The following PTPRN2 variants were observed in gnomAD, a reference collection of about 807,000 sequenced individuals.
PTPRN2 encodes the protein protein tyrosine phosphatase receptor type N2, also known as receptor-type tyrosine-protein phosphatase N2.
Under a neutral mutation model 118.8 loss-of-function variants are expected in PTPRN2, and 74 were observed. The observed-to-expected ratio is 0.62, with a 90% CI of 0.52 to 0.76. PTPRN2 has a LOEUF of 0.76. Among genes scored for constraint, PTPRN2 ranks in the 30% least tolerant of loss-of-function variants. The probability of loss-of-function intolerance (pLI) is 0.00; values close to 1 mark genes in which losing one functional copy is unlikely to be tolerated. For synonymous variants in PTPRN2, 641 were observed against 608.0 expected, an observed-to-expected ratio of 1.05 and a Z score of -0.80; for missense variants, 1,481 against 1,394.4, an observed-to-expected ratio of 1.06 and a Z score of -0.99.
chr7:157,838,973 T>C (rs1014745209), intron 12 of PTPRN2, among the ~76,000 whole-genome samples: 40 of 144,234 alleles, frequency 2.8e-4, no homozygotes, highest in Non-Finnish European at 5.2e-4. Context: ...TCGTAGTGGA[T>C]GGCATGGGAG....
intron 12 of PTPRN2, among the ~76,000 whole-genome samples, chr7:157,719,728 C>T (rs76186270): frequency 0.24 from 35,809 of 152,178 alleles, 5,053 homozygotes; most frequent in Non-Finnish European, 0.33. Flanking sequence ...AAAGAGCTCC[C>T]CAGACCCCTC....
intron 1 of PTPRN2, among the ~76,000 whole-genome samples, chr7:158,500,456 C>T (rs1822279566): frequency 6.6e-6 from 1 of 152,216 alleles, no homozygotes; most frequent in Non-Finnish European, 1.5e-5. Flanking sequence ...AAAAGTCCCC[C>T]AGGGAATTAG....
At chr7:158,197,098 G>A (rs915971534) in intron 4 of PTPRN2, among the ~76,000 whole-genome samples, 8 of 152,152 alleles carry the variant, frequency 5.3e-5, no homozygotes, top group African/African-American at 1.9e-4. Context: ...GAACAAAATC[G>A]TATTCAGAAA....
rs552705042 is a variant in PTPRN2 at position 157,867,960 on chromosome 7, C to T, written c.1788+30713G>A. On this transcript the variant is annotated intron_variant, in intron 12 of 22. Transcript: ENST00000389418. ...AGCAGGACTGGGGGCACCGTGCCTG[C>T]GCCAGCCCAAGCTGCCCAGACTTCC... Among the ~76,000 whole-genome samples, 25 of 152,292 alleles carry T rather than the reference C, an allele frequency of 1.6e-4. 1 individual carries two copies. In the East Asian group the frequency reaches 2.9e-3, roughly 18 times the overall value.
chr7:157,840,612 C>T (rs1808353450), intron 12 of PTPRN2, among the ~76,000 whole-genome samples: 1 of 152,180 alleles, frequency 6.6e-6, no homozygotes, highest in Admixed American at 6.5e-5. Flanking sequence ...ACAGAGCAGG[C>T]CCCGTGTTGG....
Position 158,587,794 on chromosome 7 carries a change from G to T in PTPRN2, c.-125C>A. ...CCGCCGCGCCTCTCGCGCTCTTGCG[G>T]CGACGCCGGGCCGAGCTTCAGCACC... On this transcript the variant is annotated 5_prime_UTR_variant, in exon 1 of 23. Coordinates refer to ENST00000389418, the MANE Select transcript of PTPRN2 (RefSeq NM_002847.5). 1.1e-6 allele frequency: 1 copy of T among 931,420 alleles called. No individual in the cohort carries two copies. The allele number at this position is 931,420 out of a possible 1,614,324, so 57.7% of individuals were successfully genotyped here. A position where few individuals can be genotyped will look rare whatever the true frequency, so the allele number is the denominator to read the frequency against.
chr7:158,277,344 C>A (rs1190965465), intron 3 of PTPRN2, among the ~76,000 whole-genome samples: 1 of 152,218 alleles, frequency 6.6e-6, no homozygotes, highest in African/African-American at 2.4e-5. Context: ...GCTTCAGCCA[C>A]TCCACGGGCA....
chr7:157,727,563 A>G (rs1232541354), intron 12 of PTPRN2, among the ~76,000 whole-genome samples: 1 of 152,128 alleles, frequency 6.6e-6, no homozygotes, highest in Non-Finnish European at 1.5e-5. Context: ...CTGGGGACAG[A>G]GTTCCAGTTT....
intron 5 of PTPRN2, among the ~76,000 whole-genome samples, chr7:158,186,421 A>G (rs564128151): frequency 1.7e-3 from 260 of 151,842 alleles, no homozygotes; most frequent in African/African-American, 5.9e-3. Flanking sequence ...GGCTCCTGAC[A>G]CTCTGCACCC....
rs546194579 is a variant in PTPRN2 at position 157,848,298 on chromosome 7, G to C, written c.1788+50375C>G. ...TTACAGAGCCCTCTCTCATTACATC[G>C]TGTGTGCCTGATGTTTACAGAGCCC... On this transcript the variant is annotated intron_variant, in intron 12 of 22. Coordinates refer to ENST00000389418, the MANE Select transcript of PTPRN2 (RefSeq NM_002847.5). Among the ~76,000 whole-genome samples the C allele has an allele frequency of 9.5e-5, 11 of 115,772 alleles. No homozygotes were observed. The South Asian group carries it at 3.2e-3, about 34-fold the overall frequency. The allele number at this position is 115,772 out of a possible 152,430, so 76.0% of individuals were successfully genotyped here. A position where few individuals can be genotyped will look rare whatever the true frequency, so the allele number is the denominator to read the frequency against.
At chr7:158,528,552 T>C (rs1193911081) in intron 1 of PTPRN2, among the ~76,000 whole-genome samples, 1 of 151,284 alleles carries the variant, frequency 6.6e-6, no homozygotes, top group Non-Finnish European at 1.5e-5. Flanking sequence ...TTTGGGAGGC[T>C]GAGGGGGACG....
chr7:158,150,719 T>C lies in PTPRN2; in HGVS notation c.911-12204A>G, dbSNP rs565639478. On this transcript the variant is annotated intron_variant, in intron 6 of 22. Coordinates refer to ENST00000389418, the MANE Select transcript of PTPRN2 (RefSeq NM_002847.5). Reference sequence around the variant, plus strand: ...GCAGAGGGAAGAATGTGGGTGATCATGGTGATCTGCAAAGCTCTCTTCTTT... The same window carrying C: ...GCAGAGGGAAGAATGTGGGTGATCACGGTGATCTGCAAAGCTCTCTTCTTT... 2.0e-4 allele frequency among the ~76,000 whole-genome samples: 31 copies of C among 152,126 alleles called. No homozygotes were observed. The South Asian group carries it at 6.4e-3, about 32-fold the overall frequency.
intron 9 of PTPRN2, among the ~76,000 whole-genome samples, chr7:158,121,451 A>G (rs1817166059): frequency 6.6e-6 from 1 of 152,348 alleles, no homozygotes; most frequent in South Asian, 2.1e-4. Flanking sequence ...TGAGGGCAGG[A>G]GCCACGTGTC....
intron 3 of PTPRN2, among the ~76,000 whole-genome samples, chr7:158,211,012 C>T (rs747749230): frequency 1.2e-3 from 184 of 152,146 alleles, no homozygotes; most frequent in Non-Finnish European, 2.3e-3. Context: ...TAAAACTTCA[C>T]GCCAATATCC....
intron 2 of PTPRN2, among the ~76,000 whole-genome samples, chr7:158,459,061 C>G (rs956385407): frequency 7.9e-5 from 12 of 152,178 alleles, no homozygotes; most frequent in South Asian, 2.1e-4. Flanking sequence ...GACACCGGAG[C>G]CTTGGTGTGG....
intron 12 of PTPRN2, among the ~76,000 whole-genome samples, chr7:157,859,504 C>T (rs74207651): frequency 2.9e-3 from 2 of 700 alleles, no homozygotes; most frequent in Admixed American, 6.6e-3. Context: ...AGGGAGAGCC[C>T]CCCAGCTACC....
Position 158,521,761 on chromosome 7 carries a change from CGGG to C in PTPRN2, c.113-31979_113-31977del, listed in dbSNP as rs1824090932. Among the ~76,000 whole-genome samples the C allele has an allele frequency of 3.0e-4, 29 of 98,062 alleles. 2 individuals carry two copies. The highest frequency in any genetic ancestry group is 3.5e-4 in the Non-Finnish European group (17 of 48,968). 64.3% of individuals were successfully genotyped at this position (98,062 alleles called of 152,430 possible). On this transcript the variant is annotated intron_variant, in intron 1 of 22. Transcript: ENST00000389418. ...ATGGTGGACTGTCCGGGTAGTGGCT[CGGG>C]AGGGAGGTCCACGTCACAATGGTGG...
intron 12 of PTPRN2, among the ~76,000 whole-genome samples, chr7:157,715,268 A>G (rs11505222): frequency 0.22 from 34,034 of 152,076 alleles, 5,980 homozygotes; most frequent in African/African-American, 0.47. Flanking sequence ...GGAATGAATG[A>G]GGCCCAGGGA....
intron 12 of PTPRN2, among the ~76,000 whole-genome samples, chr7:157,809,486 G>A (rs558687085): frequency 4.6e-5 from 7 of 152,258 alleles, no homozygotes; most frequent in Non-Finnish European, 5.9e-5. Context: ...GAGCAGAACC[G>A]TTTCCCCAAA....
Sources: gnomAD v4.1 joint callset for allele counts (sites outside exome capture counted in the v4.1 genomes callset) on GRCh38, gnomAD v4.1.1 for gene constraint, MANE v1.5 for transcripts, NCBI Gene and HGNC (gene_info 2026-07-23, HGNC 2026-07-21) for gene names.